Variants in MAEA observed in about 807,000 individuals in gnomAD.
MAEA encodes the protein macrophage erythroblast attacher, E3 ubiquitin ligase.
Under a neutral mutation model 46.2 loss-of-function variants are expected in MAEA, and 22 were observed. The observed-to-expected ratio is 0.48, with a 90% CI of 0.34 to 0.68. MAEA has a LOEUF of 0.68. MAEA is among the 30% of genes least tolerant of loss of function. MAEA has a pLI of 0.01. For synonymous variants in MAEA, 246 were observed against 222.6 expected (o/e 1.11, Z -0.94); for missense variants, 393 against 558.1 (o/e 0.70, Z 2.98).
chr4:1,320,529 C>A (rs1249161631), intron 3 of MAEA, among the ~76,000 whole-genome samples: 4 of 149,620 alleles, frequency 2.7e-5, no homozygotes, highest in African/African-American at 1.0e-4. Context: ...GAAGGGGCTT[C>A]AGAAAAGAAA....
chr4:1,322,344 A>C (rs1415985275), intron 3 of MAEA, 37 bp from the exon 4 acceptor site: 1 of 1,610,672 alleles, frequency 6.2e-7, no homozygotes, highest in South Asian at 1.1e-5. Flanking sequence ...GCCTTGAGCC[A>C]GCACATTCTG....
At chr4:1,306,646 G>A (rs1266910627) in intron 1 of MAEA, among the ~76,000 whole-genome samples, 2 of 152,188 alleles carry the variant, frequency 1.3e-5, no homozygotes, top group African/African-American at 4.8e-5. Context: ...TCCATGGCTC[G>A]TGTTCTTAAC....
At chr4:1,330,050 GC>G (rs1430640085) in intron 5 of MAEA, 1 of 985,468 alleles carries the variant, frequency 1.0e-6, no homozygotes, top group Non-Finnish European at 1.2e-6. Context: ...CGGGCAGGGG[GC>G]CTCGTTGGCT....
chr4:1,311,902 C>T lies in MAEA; in HGVS notation c.70-77C>T. ...GCCTCTACAAGTGCCATGAGGAGACCTGGTGTGTCCTGGGTGTGGGGCTGG... is the reference window on the plus strand; with the variant it reads ...GCCTCTACAAGTGCCATGAGGAGACTTGGTGTGTCCTGGGTGTGGGGCTGG... On this transcript the variant is annotated intron_variant, in intron 1 of 8. Coordinates refer to ENST00000303400, the MANE Select transcript of MAEA (RefSeq NM_001017405.3). This position sits in a 1 kb window ranked among gnomAD's most constrained non-coding sequence, Gnocchi z 4.4. The T allele has an allele frequency of 7.5e-7, 1 of 1,330,112 alleles. No homozygotes were observed. The highest frequency in any genetic ancestry group is 1.0e-6 in the Non-Finnish European group (1 of 952,420). The allele number at this position is 1,330,112 out of a possible 1,614,324, so 82.4% of individuals were successfully genotyped here.
chr4:1,325,510 AAGC>A (rs1321773537), intron 4 of MAEA, among the ~76,000 whole-genome samples: 1 of 152,190 alleles, frequency 6.6e-6, no homozygotes, highest in African/African-American at 2.4e-5. Context: ...TGTTATTGAA[AAGC>A]AGGTTTGAGG....
intron 1 of MAEA, chr4:1,309,823 CCAG>C: frequency 1.5e-6 from 2 of 1,367,102 alleles, no homozygotes; most frequent in Non-Finnish European, 1.9e-6. Flanking sequence ...CTGCAGCACA[CCAG>C]CTGCCCGGAG....
chr4:1,330,240 C>G (rs914912770), intron 5 of MAEA: 1 of 674,880 alleles, frequency 1.5e-6, no homozygotes, highest in Non-Finnish European at 1.8e-6. Context: ...TGAGCAGCTC[C>G]GTGCCGTCTG....
chr4:1,304,210 C>G (rs1028274856), intron 1 of MAEA, among the ~76,000 whole-genome samples: 2 of 152,104 alleles, frequency 1.3e-5, no homozygotes, highest in Non-Finnish European at 2.9e-5. Flanking sequence ...CGTGTGCTGT[C>G]AATGTAAAGT....
intron 1 of MAEA, among the ~76,000 whole-genome samples, chr4:1,304,814 T>C (rs1735677629): frequency 6.6e-6 from 1 of 152,176 alleles, no homozygotes. Context: ...TTAAAACACA[T>C]TTCATGTGTT....
At chr4:1,315,305 T>G in intron 2 of MAEA, 92 bp from the exon 3 acceptor site, 3 of 1,178,656 alleles carry the variant, frequency 2.5e-6, no homozygotes, top group South Asian at 1.3e-5. Flanking sequence ...TTTCTCCTTG[T>G]GAGTGTTGTG....
intron 8 of MAEA, 163 bp downstream of exon 8, chr4:1,338,780 C>T (rs934741201): frequency 1.3e-5 from 10 of 741,620 alleles, no homozygotes; most frequent in East Asian, 8.3e-5. Context: ...GCGTCGCCAT[C>T]GGGACAGGGC....
intron 3 of MAEA, 36 bp downstream of exon 3, chr4:1,315,636 C>T: frequency 6.2e-7 from 1 of 1,607,448 alleles, no homozygotes; most frequent in South Asian, 1.1e-5. Context: ...AGCGCCCCAG[C>T]TGGCCCCAGG....
In MAEA at chr4:1,315,532, G is replaced by A. The variant is rs920062442; in HGVS notation, c.388G>A (p.Val130Met). Residue 130 changes from valine (V) to methionine (M), a missense_variant, in exon 3 of 9, where the codon GTG becomes ATG. Val to Met is a conservative substitution (Grantham distance 21). Coordinates refer to ENST00000303400, the MANE Select transcript of MAEA (RefSeq NM_001017405.3). ...GAGGAAGCGCATGGATCGCATGATG[G>A]TGGAGCACCTGCTGCGTTGCGGCTA... Reference protein sequence around the residue: ...WKRKRMDRMMVEHLLRCGYYN... With the variant: ...WKRKRMDRMMMEHLLRCGYYN... 1.9e-6 allele frequency: 3 copies of A among 1,613,750 alleles called. No homozygotes were observed. The highest frequency in any genetic ancestry group is 2.5e-6 in the Non-Finnish European group (3 of 1,179,984).
rs749289853 is a variant in MAEA, at chr4:1,311,374, C to G, written c.70-605C>G. On this transcript the variant is annotated intron_variant, in intron 1 of 8. Coordinates refer to ENST00000303400, the MANE Select transcript of MAEA (RefSeq NM_001017405.3). This position sits in a 1 kb window ranked among gnomAD's most constrained non-coding sequence, Gnocchi z 4.4. The stretch of plus-strand genomic sequence containing the variant: ...TCTCAGAGGGACAGAAAACTAACAA[C>G]GACTTTAAGATTCTCCTTGATTGGC... 7.2e-5 allele frequency among the ~76,000 whole-genome samples: 11 copies of G among 152,246 alleles called. No homozygotes were observed. The highest frequency in any genetic ancestry group is 3.3e-4 in the Admixed American group (5 of 15,290).
In MAEA at chr4:1,338,620, GAGGGGGGCAGGGC is replaced by G. The variant is rs1358912861; in HGVS notation, c.1095+12_1095+24del. ...ACGGCTACGTCTACGGCTACAATGT[GAGGGGGGCAGGGC>G]AGGGGGGCCAGGCTGGCACGCATCG... On this transcript the variant is annotated splice_donor_5th_base_variant and intron_variant, in intron 8 of 8. Coordinates refer to ENST00000303400, the MANE Select transcript of MAEA (RefSeq NM_001017405.3). The G allele has an allele frequency of 4.4e-6, 7 of 1,599,642 alleles. No homozygotes were observed. Among genetic ancestry groups the G allele is most frequent in the Middle Eastern group, 1.6e-4 (1 of 6,062 alleles).
At chr4:1,323,062 T>C (rs1193411372) in intron 4 of MAEA, among the ~76,000 whole-genome samples, 2 of 149,686 alleles carry the variant, frequency 1.3e-5, no homozygotes, top group South Asian at 4.3e-4. Flanking sequence ...TTCTCTTGCC[T>C]TGGCCTCCTG....
At chr4:1,314,697 G>A (rs1736915204) in intron 2 of MAEA, among the ~76,000 whole-genome samples, 1 of 152,236 alleles carries the variant, frequency 6.6e-6, no homozygotes, top group South Asian at 2.1e-4. Context: ...TGGTGGAACT[G>A]AAGAAAACAG....
intron 5 of MAEA, chr4:1,328,682 G>A (rs1444230135): frequency 1.6e-6 from 2 of 1,280,750 alleles, no homozygotes; most frequent in Admixed American, 4.7e-5. Context: ...GGAGAAGTGG[G>A]CGTCTCACGA....
intron 7 of MAEA, chr4:1,337,258 A>C (rs1166555343): frequency 6.1e-6 from 3 of 493,506 alleles, no homozygotes. Flanking sequence ...ATTGATCTAA[A>C]AGCCCGATTT....
Sources: gnomAD v4.1 joint callset for allele counts (sites outside exome capture counted in the v4.1 genomes callset) on GRCh38, gnomAD v4.1.1 for gene constraint, Gnocchi (gnomAD v3.1) non-coding constraint, MANE v1.5 for transcripts, NCBI Gene and HGNC (gene_info 2026-07-23, HGNC 2026-07-21) for gene names.